The following GALNT14 variants were observed in gnomAD, a reference collection of about 807,000 sequenced individuals.
GALNT14 encodes the protein UDP-GalNAc:polypeptide N-acetylgalactosaminyltransferase 14.
Under a neutral mutation model 77.5 loss-of-function variants are expected in GALNT14, and 60 were observed. The observed-to-expected ratio is 0.77, with a 90% confidence interval of 0.63 to 0.96. The LOEUF (loss-of-function observed/expected upper bound fraction) is 0.96, where lower values mean the gene tolerates loss of function less well. Ranked by LOEUF, GALNT14 falls within the 40% of genes least tolerant of loss-of-function variation. GALNT14 has a pLI of 0.00. For synonymous variants in GALNT14, 280 were observed against 281.7 expected (o/e 0.99, Z 0.06); for missense variants, 710 against 731.0 (o/e 0.97, Z 0.33).
intron 1 of GALNT14, among the ~76,000 whole-genome samples, chr2:31,037,601 T>A (rs1468622840): frequency 1.3e-5 from 2 of 152,154 alleles, no homozygotes; most frequent in Non-Finnish European, 2.9e-5. Flanking sequence ...AAATTAAACA[T>A]TTCAATTCAT....
intron 1 of GALNT14, among the ~76,000 whole-genome samples, chr2:31,067,225 G>C (rs1305654727): frequency 6.6e-6 from 1 of 152,196 alleles, no homozygotes. Flanking sequence ...CCCATAGTCA[G>C]TCTCAGTGCT....
At position 30,988,063 on chromosome 2, in the gene GALNT14, G is replaced by A. The variant is rs572738800; in HGVS notation, c.299+4775C>T. 4.2e-4 allele frequency among the ~76,000 whole-genome samples: 64 copies of A among 152,312 alleles called. 1 individual carries two copies. Among genetic ancestry groups the A allele is most frequent in the African/African-American group, 1.5e-3 (63 of 41,572 alleles). Reference sequence around the variant, plus strand: ...TCTACAAGGCCCCTGAGGATCGAAGGGTGAGGAGAAGGGGCTTCCTTTAGC... The same window carrying A: ...TCTACAAGGCCCCTGAGGATCGAAGAGTGAGGAGAAGGGGCTTCCTTTAGC... On this transcript the variant is annotated intron_variant, in intron 2 of 14. Transcript: ENST00000349752.
intron 1 of GALNT14, among the ~76,000 whole-genome samples, chr2:31,043,813 TAAAG>T (rs999812597): frequency 2.0e-5 from 3 of 152,048 alleles, no homozygotes; most frequent in Admixed American, 6.6e-5. Context: ...GATCTATAAA[TAAAG>T]AATGAAAATA....
At chr2:31,109,319 A>G (rs944887596) in intron 1 of GALNT14, among the ~76,000 whole-genome samples, 1 of 152,214 alleles carries the variant, frequency 6.6e-6, no homozygotes, top group Non-Finnish European at 1.5e-5. Context: ...ATTTCTCTGA[A>G]TTGCCCACCT....
intron 8 of GALNT14, among the ~76,000 whole-genome samples, chr2:30,943,932 C>T (rs183077232): frequency 3.7e-4 from 56 of 152,286 alleles, no homozygotes; most frequent in African/African-American, 1.3e-3. Flanking sequence ...TCCCTTTATC[C>T]TCAATTTGAC....
At position 31,030,324 on chromosome 2, in the gene GALNT14, C is replaced by A. The variant is rs574584083; in HGVS notation, c.130-37317G>T. Reference sequence around the variant, plus strand: ...GAAATCACACAAGTCCAGGGCCGAGCACCAGGGCTGGATGGAAAAAAAAAT... The same window carrying A: ...GAAATCACACAAGTCCAGGGCCGAGAACCAGGGCTGGATGGAAAAAAAAAT... On this transcript the variant is annotated intron_variant, in intron 1 of 14. Coordinates refer to ENST00000349752, the MANE Select transcript of GALNT14 (RefSeq NM_024572.4). Among the ~76,000 whole-genome samples, 3 of 152,052 alleles carry A rather than the reference C, an allele frequency of 2.0e-5. No homozygotes were observed. The South Asian group carries it at 6.2e-4, about 32-fold the overall frequency.
chr2:31,080,030 T>C (rs183780911), intron 1 of GALNT14, among the ~76,000 whole-genome samples: 11 of 152,346 alleles, frequency 7.2e-5, no homozygotes, highest in African/African-American at 2.2e-4. Context: ...AACATGAGGA[T>C]GCCCACTCAA....
At chr2:31,029,818 A>C (rs1261186469) in intron 1 of GALNT14, among the ~76,000 whole-genome samples, 2 of 152,186 alleles carry the variant, frequency 1.3e-5, no homozygotes, top group Non-Finnish European at 2.9e-5. Flanking sequence ...TTGATTGACT[A>C]CTATAATTTT....
At chr2:30,962,322 C>T (rs906093348) in intron 3 of GALNT14, among the ~76,000 whole-genome samples, 1 of 152,208 alleles carries the variant, frequency 6.6e-6, no homozygotes, top group Non-Finnish European at 1.5e-5. Flanking sequence ...AAGGGCAGAG[C>T]CATGAAAATC....
intron 2 of GALNT14, among the ~76,000 whole-genome samples, chr2:30,987,631 G>T (rs1045038090): frequency 6.6e-6 from 1 of 152,118 alleles, no homozygotes; most frequent in Non-Finnish European, 1.5e-5. Context: ...CTTGTAAGGG[G>T]TCCACACCGC....
chr2:30,944,065 C>A (rs985778935), intron 8 of GALNT14, among the ~76,000 whole-genome samples: 5 of 152,236 alleles, frequency 3.3e-5, no homozygotes, highest in African/African-American at 4.8e-5. Flanking sequence ...GCCTCTGTAT[C>A]TATCCATACA....
chr2:30,974,839 G>A (rs1242789957), intron 2 of GALNT14, among the ~76,000 whole-genome samples: 2 of 152,216 alleles, frequency 1.3e-5, no homozygotes, highest in African/African-American at 4.8e-5. Context: ...CAATACCCAG[G>A]ATGATGACTA....
intron 1 of GALNT14, among the ~76,000 whole-genome samples, chr2:31,042,049 T>G (rs1286309113): frequency 6.6e-6 from 1 of 152,176 alleles, no homozygotes; most frequent in Non-Finnish European, 1.5e-5. Flanking sequence ...GATGAGATGC[T>G]TAGCAGGTAT....
At chr2:30,997,305 G>C (rs1227287784) in intron 1 of GALNT14, among the ~76,000 whole-genome samples, 1 of 152,204 alleles carries the variant, frequency 6.6e-6, no homozygotes, top group Non-Finnish European at 1.5e-5. Context: ...GGCACAGTGT[G>C]GGGTGTTCTG....
At chr2:30,989,565 TATATATATATATATATAAAA>T (rs1462861685) in intron 2 of GALNT14, among the ~76,000 whole-genome samples, 2,681 of 129,954 alleles carry the variant, frequency 0.021, 168 homozygotes, top group African/African-American at 0.078. Flanking sequence ...ATACCTTATA[TATATATATATATATATAAAA>T]ATATATATAT....
chr2:30,907,895 G>T (rs1301723668), downstream of GALNT14, among the ~76,000 whole-genome samples: 1 of 123,064 alleles, frequency 8.1e-6, no homozygotes, highest in Admixed American at 9.2e-5. Context: ...GGGATGCAAG[G>T]CTGGTTCAAT....
intron 1 of GALNT14, among the ~76,000 whole-genome samples, chr2:30,999,498 A>G (rs1185219618): frequency 6.6e-6 from 1 of 152,218 alleles, no homozygotes; most frequent in Non-Finnish European, 1.5e-5. Context: ...AACACACAGG[A>G]GTGTGAAACA....
intron 13 of GALNT14, among the ~76,000 whole-genome samples, chr2:30,916,847 G>A (rs1176148616): frequency 6.6e-6 from 1 of 152,036 alleles, no homozygotes; most frequent in African/African-American, 2.4e-5. Flanking sequence ...GGGAGGCTGA[G>A]ATGGGTGGAT....
At chr2:30,927,046 G>C (rs1043487698) in intron 11 of GALNT14, among the ~76,000 whole-genome samples, 1 of 152,078 alleles carries the variant, frequency 6.6e-6, no homozygotes. Flanking sequence ...AAGTTTAAAT[G>C]ATGATGGGAA....
Sources: gnomAD v4.1 joint callset for allele counts (sites outside exome capture counted in the v4.1 genomes callset) on GRCh38, gnomAD v4.1.1 for gene constraint, MANE v1.5 for transcripts, NCBI Gene and HGNC (gene_info 2026-07-23, HGNC 2026-07-21) for gene names.